Variants in SORCS3 observed in about 807,000 individuals in gnomAD.
SORCS3 encodes VPS10 domain-containing receptor SorCS3.
Under a neutral mutation model 146.3 loss-of-function variants are expected in SORCS3, and 57 were observed. That is an observed-to-expected ratio of 0.39 (90% CI 0.31 to 0.49). SORCS3 has a LOEUF of 0.49. SORCS3 is among the 20% of genes least tolerant of loss of function. The pLI, the probability that SORCS3 is intolerant of heterozygous loss-of-function variation, is 0.92. For missense variants in SORCS3, 1,341 were observed against 1,575.5 expected (o/e 0.85, Z 2.52); for synonymous variants, 653 against 618.5 (o/e 1.06, Z -0.83).
intron 14 of SORCS3, among the ~76,000 whole-genome samples, chr10:105,197,651 A>C (rs2056551254): frequency 6.6e-6 from 1 of 152,194 alleles, no homozygotes; most frequent in Non-Finnish European, 1.5e-5. Context: ...GAAACTCTTA[A>C]GCTGCTATTA....
At chr10:105,221,912 A>T (rs1389288113) in intron 19 of SORCS3, among the ~76,000 whole-genome samples, 1 of 152,124 alleles carries the variant, frequency 6.6e-6, no homozygotes, top group African/African-American at 2.4e-5. Context: ...GAAGAGAAAG[A>T]AGGAGGGAGG....
intron 5 of SORCS3, among the ~76,000 whole-genome samples, chr10:105,063,234 C>T (rs2055499775): frequency 6.6e-6 from 1 of 152,174 alleles, no homozygotes; most frequent in Non-Finnish European, 1.5e-5. Context: ...CTTTCTGCTG[C>T]TCTCAGGAAA....
intron 4 of SORCS3, among the ~76,000 whole-genome samples, chr10:105,039,370 T>A (rs1318502740): frequency 6.6e-6 from 1 of 151,618 alleles, no homozygotes; most frequent in Non-Finnish European, 1.5e-5. Context: ...ACTGAAGAGC[T>A]GAAAAAGCAA....
intron 19 of SORCS3, among the ~76,000 whole-genome samples, chr10:105,222,110 G>A (rs2056707012): frequency 7.2e-6 from 1 of 138,120 alleles, no homozygotes; most frequent in African/African-American, 2.7e-5. Flanking sequence ...CCAGGCTGGA[G>A]TGCAATGGTG....
intron 1 of SORCS3, among the ~76,000 whole-genome samples, chr10:104,810,378 A>G (rs1039280238): frequency 5.3e-5 from 8 of 152,196 alleles, no homozygotes; most frequent in African/African-American, 1.7e-4. Flanking sequence ...TTGTCATCAT[A>G]TAGTGTGTAT....
Position 104,808,317 on chromosome 10 carries a change from A to G in SORCS3, c.628-34475A>G, listed in dbSNP as rs139400455. 4.4e-3 allele frequency among the ~76,000 whole-genome samples: 675 copies of G among 152,332 alleles called. 3 individuals carry two copies. The highest frequency in any genetic ancestry group is 0.015 in the African/African-American group (631 of 41,576). On this transcript the variant is annotated intron_variant, in intron 1 of 26. Coordinates refer to ENST00000369701, the MANE Select transcript of SORCS3 (RefSeq NM_014978.3). ...GACACTAGGGGCTGAGGATGTAAAG[A>G]CAGGGCTTTTGCTTCAAATAGTAAA...
chr10:105,027,195 A>C (rs934633151), intron 4 of SORCS3, among the ~76,000 whole-genome samples: 1 of 152,154 alleles, frequency 6.6e-6, no homozygotes, highest in Non-Finnish European at 1.5e-5. Flanking sequence ...AGATGTCCAC[A>C]TCACCTGCCC....
chr10:105,212,256 C>T (rs1204422481), intron 17 of SORCS3, among the ~76,000 whole-genome samples: 1 of 152,192 alleles, frequency 6.6e-6, no homozygotes, highest in South Asian at 2.1e-4. Context: ...TCTGGGAGGG[C>T]TATTCCTGGA....
intron 22 of SORCS3, among the ~76,000 whole-genome samples, chr10:105,250,937 G>C (rs528330531): frequency 2.4e-4 from 37 of 152,226 alleles, no homozygotes; most frequent in African/African-American, 7.7e-4. Context: ...ATAGGAATCA[G>C]AGCTGAGCAA....
At chr10:104,821,667 C>A (rs925173516) in intron 1 of SORCS3, among the ~76,000 whole-genome samples, 1 of 152,186 alleles carries the variant, frequency 6.6e-6, no homozygotes, top group Non-Finnish European at 1.5e-5. Flanking sequence ...TGATAAAATG[C>A]AAAGCCATTT....
intron 1 of SORCS3, among the ~76,000 whole-genome samples, chr10:104,735,617 C>T (rs571266284): frequency 6.6e-6 from 1 of 151,872 alleles, no homozygotes; most frequent in Non-Finnish European, 1.5e-5. Context: ...CCCTTCCTGG[C>T]GAAAGCTTCA....
chr10:105,251,654 G>T (rs1043491282), intron 22 of SORCS3, among the ~76,000 whole-genome samples: 3 of 152,066 alleles, frequency 2.0e-5, no homozygotes, highest in African/African-American at 7.2e-5. Flanking sequence ...CAGAAGAGGT[G>T]GTGATGTTCT....
intron 4 of SORCS3, among the ~76,000 whole-genome samples, chr10:105,032,050 G>C: frequency 6.6e-6 from 1 of 152,150 alleles, no homozygotes; most frequent in Non-Finnish European, 1.5e-5. Flanking sequence ...AAATGAGCCA[G>C]GTGTGGTAGC....
chr10:104,907,335 G>A (rs1206217116), intron 2 of SORCS3, among the ~76,000 whole-genome samples: 1 of 152,108 alleles, frequency 6.6e-6, no homozygotes, highest in Non-Finnish European at 1.5e-5. Context: ...TGCCTGATAG[G>A]TTAGAGTTTT....
intron 1 of SORCS3, among the ~76,000 whole-genome samples, chr10:104,840,490 G>C (rs1368943218): frequency 6.6e-6 from 1 of 152,118 alleles, no homozygotes; most frequent in East Asian, 1.9e-4. Context: ...TCATTTCTTA[G>C]GTTTCTCCCC....
intron 1 of SORCS3, among the ~76,000 whole-genome samples, chr10:104,672,472 C>T (rs2015866622): frequency 6.6e-6 from 1 of 151,924 alleles, no homozygotes; most frequent in Admixed American, 6.6e-5. Context: ...GATCGCTGTT[C>T]TGACCTTTAT....
chr10:104,977,288 ATT>A, intron 3 of SORCS3, 45 bp from the exon 4 acceptor site: 1 of 1,431,646 alleles, frequency 7.0e-7, no homozygotes, highest in Non-Finnish European at 9.4e-7. Flanking sequence ...TATATTTATT[ATT>A]TCCTACTAAC....
At chr10:104,866,437 T>A (rs998544386) in intron 2 of SORCS3, among the ~76,000 whole-genome samples, 2 of 152,162 alleles carry the variant, frequency 1.3e-5, no homozygotes, top group Non-Finnish European at 2.9e-5. Flanking sequence ...AACTATTATG[T>A]TTATACTTTG....
chr10:105,154,126 G>A (rs1362522661), intron 9 of SORCS3, among the ~76,000 whole-genome samples: 2 of 146,396 alleles, frequency 1.4e-5, no homozygotes, highest in Non-Finnish European at 3.0e-5. Flanking sequence ...TGGTCTCTTT[G>A]CCCATCTTAT....
Sources: gnomAD v4.1 joint callset for allele counts (sites outside exome capture counted in the v4.1 genomes callset) on GRCh38, gnomAD v4.1.1 for gene constraint, MANE v1.5 for transcripts, NCBI Gene and HGNC (gene_info 2026-07-23, HGNC 2026-07-21) for gene names.